Variants in FANCI observed in about 807,000 individuals in gnomAD.
The protein encoded by FANCI is Fanconi anemia group I protein.
A neutral mutation model predicts 176.1 loss-of-function variants in FANCI; 156 were observed. The ratio of observed to expected loss-of-function variants is 0.89; its 90% CI spans 0.78 to 1.01. The LOEUF is 1.01. FANCI is among the 50% of genes least tolerant of loss of function. The pLI is 0.00. For missense variants in FANCI, 1,678 were observed against 1,534.1 expected (o/e 1.09, Z -1.57); for synonymous variants, 613 against 541.7 (o/e 1.13, Z -1.83).
chr15:89,294,034 C>T (rs1395172407), intron 23 of FANCI, 37 bp downstream of exon 23: 1 of 1,611,532 alleles, frequency 6.2e-7, no homozygotes, highest in Admixed American at 1.7e-5. Context: ...ACAGCCACTC[C>T]CTGAGGATCG....
chr15:89,310,771 G>T (rs2054922732), intron 34 of FANCI, among the ~76,000 whole-genome samples: 1 of 152,154 alleles, frequency 6.6e-6, no homozygotes, highest in South Asian at 2.1e-4. Context: ...TGGGAAGAAA[G>T]CAACGAAAAC....
intron 2 of FANCI, among the ~76,000 whole-genome samples, 165 bp downstream of exon 2, chr15:89,247,896 G>C (rs2052060193): frequency 6.6e-6 from 1 of 152,170 alleles, no homozygotes; most frequent in South Asian, 2.1e-4. Context: ...AAGAAATTGG[G>C]GTGAGGGAAT....
At chr15:89,257,163 C>A (rs1406890954) in intron 2 of FANCI, among the ~76,000 whole-genome samples, 2 of 152,198 alleles carry the variant, frequency 1.3e-5, no homozygotes, top group East Asian at 3.8e-4. Context: ...ACCTCGGCCT[C>A]CCAAAGTGCT....
At chr15:89,269,407 T>G (rs1042699947) in intron 10 of FANCI, among the ~76,000 whole-genome samples, 7 of 152,176 alleles carry the variant, frequency 4.6e-5, no homozygotes, top group African/African-American at 1.7e-4. Flanking sequence ...AGCTGTGTTT[T>G]TTTTTTCCTC....
At chr15:89,283,328 A>C (rs2053688267) in intron 17 of FANCI, 78 bp downstream of exon 17, 1 of 1,598,804 alleles carries the variant, frequency 6.3e-7, no homozygotes, top group Non-Finnish European at 8.5e-7. Context: ...GTTTTCTTTT[A>C]TTCCTGTTAT....
Position 89,299,859 on chromosome 15 carries a change from AG to A in FANCI, c.2697del (p.Gly901GlufsTer67). The A allele has an allele frequency of 6.2e-7, 1 of 1,614,086 alleles. No individual in the cohort carries two copies. ...PTSVEESGKKEKGKSISLLCL... is the reference protein window; with the variant it reads ...PTSVEESGKKXKGKSISLLCL... ...TCAGTGGAAGAGTCGGGAAAGAAAGAGAAAGGAAAGAGCATCTCACTGCTGT... is the reference window on the plus strand; with the variant it reads ...TCAGTGGAAGAGTCGGGAAAGAAAGAAAAGGAAAGAGCATCTCACTGCTGT... On this transcript the variant is annotated frameshift_variant, in exon 25 of 38. Coordinates refer to ENST00000310775, the MANE Select transcript of FANCI (RefSeq NM_001113378.2). LOFTEE classifies it high-confidence loss of function.
At chr15:89,305,722 C>T (rs2054693054) in intron 31 of FANCI, 24 bp downstream of exon 31, 4 of 1,606,602 alleles carry the variant, frequency 2.5e-6, no homozygotes, top group Non-Finnish European at 2.6e-6. Flanking sequence ...AACTGGGATT[C>T]CAGGAATTGA....
In FANCI at chr15:89,306,009, G is replaced by T. The variant is rs771803460; in HGVS notation, c.3352G>T (p.Glu1118Ter). ...GTGCCAATTTTATTTCCCTTTAGAA[G>T]AGGCCTCTTCTCAGGCAACCCTACC... is the stretch of plus-strand genomic sequence containing the variant. ...GQVSQETLSE[E>*]ASSQATLPNQ... The change falls in exon 32 of 38, where the codon GAG becomes TAG. Residue 1118 changes from glutamate to a stop codon, truncating the protein, a stop_gained and splice_region_variant. Coordinates refer to ENST00000310775, the MANE Select transcript of FANCI (RefSeq NM_001113378.2). LOFTEE classifies it high-confidence loss of function. The T allele has an allele frequency of 1.9e-6, 3 of 1,614,170 alleles. No individual in the cohort carries two copies. Among genetic ancestry groups the T allele is most frequent in the East Asian group, 2.2e-5 (1 of 44,888 alleles).
chr15:89,280,243 A>G (rs2053565196), intron 14 of FANCI, among the ~76,000 whole-genome samples: 1 of 151,980 alleles, frequency 6.6e-6, no homozygotes, highest in Non-Finnish European at 1.5e-5. Context: ...GATGGTCTCA[A>G]TCTCTTGACC....
In FANCI at chr15:89,268,558, CTT is replaced by C. The variant is rs151141462; in HGVS notation, c.882+36_882+37del. On this transcript the variant is annotated intron_variant, in intron 10 of 37. Transcript: ENST00000310775. ...CAAACTTGTAAGGTGATCTGGGTCT[CTT>C]TTGAATGAAAGTGTTTGAACTTAAG... The C allele has an allele frequency of 2.1e-3, 3,354 of 1,613,256 alleles. 53 individuals are homozygous for C. In the African/African-American group the frequency reaches 0.04, roughly 19 times the overall value.
intron 28 of FANCI, among the ~76,000 whole-genome samples, chr15:89,304,726 C>G (rs912821640): frequency 6.6e-6 from 1 of 152,124 alleles, no homozygotes; most frequent in African/African-American, 2.4e-5. Context: ...GGCACTCCAC[C>G]CCACACACCC....
At chr15:89,288,526 T>C (rs1001462187) in intron 18 of FANCI, among the ~76,000 whole-genome samples, 6 of 152,144 alleles carry the variant, frequency 3.9e-5, no homozygotes, top group African/African-American at 1.4e-4. Flanking sequence ...CAGATTGCCA[T>C]TTGCTTTTTT....
intron 24 of FANCI, among the ~76,000 whole-genome samples, chr15:89,299,330 A>C (rs2054441623): frequency 6.6e-6 from 1 of 152,218 alleles, no homozygotes; most frequent in Non-Finnish European, 1.5e-5. Flanking sequence ...TTAAGGGAGA[A>C]GTAATGTAAA....
chr15:89,291,667 G>A lies in FANCI; in HGVS notation c.1945G>A (p.Ala649Thr), dbSNP rs758206965. The change falls in exon 20 of 38, where the codon GCT (alanine) becomes ACT (threonine). Residue 649 changes from alanine to threonine, a missense_variant. By Grantham distance (58) the Ala-to-Thr change is moderately conservative (BLOSUM62 0). Coordinates refer to ENST00000310775, the MANE Select transcript of FANCI (RefSeq NM_001113378.2). ...TCTGCTGCCTCCTCTGAAATTAGAA[G>A]CTTGTATTCTGACCCAAGGAGATAA... ...PDLLPPLKLE[A>T]CILTQGDKIS... is the part of the protein sequence containing the mutation. 6.2e-7 allele frequency: 1 copy of A among 1,613,808 alleles called. No individual in the cohort carries two copies. The highest frequency in any genetic ancestry group is 1.7e-5 in the Admixed American group (1 of 60,014).
chr15:89,260,155 T>C (rs190436846), intron 3 of FANCI, among the ~76,000 whole-genome samples: 2 of 152,204 alleles, frequency 1.3e-5, no homozygotes, highest in African/African-American at 4.8e-5. Context: ...TTTCATCACT[T>C]TTTCTACATG....
intron 3 of FANCI, among the ~76,000 whole-genome samples, chr15:89,260,087 A>G (rs1024569486): frequency 1.1e-4 from 16 of 152,042 alleles, no homozygotes; most frequent in East Asian, 1.9e-4. Flanking sequence ...TAGGATGCCA[A>G]TTTTTTCACA....
intron 29 of FANCI, 27 bp from the exon 30 acceptor site, chr15:89,305,314 A>G (rs997101676): frequency 6.8e-6 from 11 of 1,614,102 alleles, no homozygotes; most frequent in Non-Finnish European, 9.3e-6. Context: ...TACTGTCATT[A>G]GGTCTCACCT....
intron 18 of FANCI, among the ~76,000 whole-genome samples, chr15:89,285,623 A>T (rs577445263): frequency 2.6e-5 from 4 of 152,238 alleles, no homozygotes; most frequent in Admixed American, 6.5e-5. Context: ...TCTCAAAAAA[A>T]TTTTTTTAAG....
chr15:89,260,190 A>G (rs549087923), intron 3 of FANCI, among the ~76,000 whole-genome samples: 2 of 152,250 alleles, frequency 1.3e-5, no homozygotes, highest in South Asian at 4.1e-4. Context: ...AAATGCAAAG[A>G]AAATTAACTT....
Sources: gnomAD v4.1 joint callset for allele counts (sites outside exome capture counted in the v4.1 genomes callset) on GRCh38, gnomAD v4.1.1 for gene constraint, MANE v1.5 for transcripts, NCBI Gene and HGNC (gene_info 2026-07-23, HGNC 2026-07-21) for gene names.